Variants in RIN2 observed in about 807,000 individuals in gnomAD.
RIN2 encodes the protein RAB5 interacting protein 2.
In RIN2, 36 loss-of-function variants were observed where a neutral mutation model predicts 78.0. The observed-to-expected ratio is 0.46, with a 90% CI of 0.35 to 0.61. The LOEUF (loss-of-function observed/expected upper bound fraction) is 0.61, where lower values mean the gene tolerates loss of function less well. Among genes scored for constraint, RIN2 ranks in the 20% least tolerant of loss-of-function variants. The probability of loss-of-function intolerance (pLI) is 0.00; values close to 1 mark genes in which losing one functional copy is unlikely to be tolerated. For synonymous variants in RIN2, 466 were observed against 466.8 expected (o/e 1.00, Z 0.02); for missense variants, 1,087 against 1,159.7 (o/e 0.94, Z 0.91).
intron 2 of RIN2, among the ~76,000 whole-genome samples, chr20:19,869,750 A>G (rs1048488264): frequency 4.0e-5 from 6 of 151,270 alleles, no homozygotes; most frequent in Non-Finnish European, 4.4e-5. Context: ...TCAGCCTCCC[A>G]AGTAGCTGGG....
At chr20:19,908,846 C>T (rs2039338983) in intron 3 of RIN2, among the ~76,000 whole-genome samples, 2 of 152,160 alleles carry the variant, frequency 1.3e-5, no homozygotes, top group South Asian at 4.1e-4. Context: ...ACACGTGGAA[C>T]ACCACGCCTG....
At chr20:19,843,261 A>G (rs1195882561) in intron 2 of RIN2, among the ~76,000 whole-genome samples, 1 of 152,264 alleles carries the variant, frequency 6.6e-6, no homozygotes, top group Non-Finnish European at 1.5e-5. Context: ...GGATTTGAGA[A>G]GATTACTCCA....
In RIN2 at chr20:20,001,070, G is replaced by T; in HGVS notation, c.*134G>T. On this transcript the variant is annotated 3_prime_UTR_variant, in exon 13 of 13. Coordinates refer to ENST00000255006, the MANE Select transcript of RIN2 (RefSeq NM_018993.4). Reference sequence around the variant, plus strand: ...CAGTGTAGTGACTAAGCCATCCACAGGCCAACTCGGCCAAGGGCAACTTTA... The same window carrying T: ...CAGTGTAGTGACTAAGCCATCCACATGCCAACTCGGCCAAGGGCAACTTTA... 1 of 773,508 alleles carries T rather than the reference G, an allele frequency of 1.3e-6. No individual in the cohort carries two copies. Among genetic ancestry groups the T allele is most frequent in the Non-Finnish European group, 2.0e-6 (1 of 501,246 alleles). 47.9% of individuals were successfully genotyped at this position (773,508 alleles called of 1,614,324 possible). A position where few individuals can be genotyped will look rare whatever the true frequency, so the allele number is the denominator to read the frequency against.
intron 1 of RIN2, among the ~76,000 whole-genome samples, chr20:19,777,298 T>G (rs939464109): frequency 6.6e-6 from 1 of 152,258 alleles, no homozygotes; most frequent in Non-Finnish European, 1.5e-5. Context: ...AGGCCCCTTC[T>G]GCTTCATGCT....
intron 4 of RIN2, among the ~76,000 whole-genome samples, chr20:19,942,106 T>G (rs1225703465): frequency 1.4e-5 from 1 of 71,212 alleles, no homozygotes; most frequent in Non-Finnish European, 2.3e-5. Context: ...TGAGACTCTA[T>G]CTCAAAAAAA....
intron 6 of RIN2, among the ~76,000 whole-genome samples, chr20:19,961,739 A>G (rs1331505257): frequency 6.6e-6 from 1 of 152,120 alleles, no homozygotes; most frequent in Non-Finnish European, 1.5e-5. Context: ...TGCCAGGCTG[A>G]CTGTGAACCG....
chr20:19,894,689 A>C (rs2123547911), intron 3 of RIN2, among the ~76,000 whole-genome samples: 1 of 152,282 alleles, frequency 6.6e-6, no homozygotes, highest in South Asian at 2.1e-4. Flanking sequence ...ACTTTGTGTA[A>C]AGCAGAGATA....
chr20:19,936,589 CT>C (rs1382450492), intron 4 of RIN2, among the ~76,000 whole-genome samples: 1 of 152,188 alleles, frequency 6.6e-6, no homozygotes, highest in Non-Finnish European at 1.5e-5. Context: ...CGGCGGAAAC[CT>C]TTCCCCTGCA....
At chr20:19,932,903 A>G (rs1468038870) in intron 3 of RIN2, among the ~76,000 whole-genome samples, 1 of 152,198 alleles carries the variant, frequency 6.6e-6, no homozygotes, top group African/African-American at 2.4e-5. Context: ...CTCCCATCTC[A>G]GTCAAGGGCA....
rs147647645 is a variant in RIN2, at chr20:19,851,038, GAAGGAAGGAAGGAGAA to G, written c.-36-38526_-36-38511del. On this transcript the variant is annotated intron_variant, in intron 2 of 12. Coordinates refer to ENST00000255006, the MANE Select transcript of RIN2 (RefSeq NM_018993.4). The stretch of plus-strand genomic sequence containing the variant: ...GGAAGGAAGGAAGGAAGGAAGGAAG[GAAGGAAGGAAGGAGAA>G]AGAAAGGAAGGAAGGAAGGAAGGAA... Among the ~76,000 whole-genome samples, 369 of 88,298 alleles carry G rather than the reference GAAGGAAGGAAGGAGAA, an allele frequency of 4.2e-3. 1 individual carries two copies. Among genetic ancestry groups the G allele is most frequent in the Middle Eastern group, 9.5e-3 (2 of 210 alleles). The allele number at this position is 88,298 out of a possible 152,430, so 57.9% of individuals were successfully genotyped here. A position where few individuals can be genotyped will look rare whatever the true frequency, so the allele number is the denominator to read the frequency against.
At chr20:19,929,575 T>TA (rs1332628861) in intron 3 of RIN2, among the ~76,000 whole-genome samples, 1 of 152,108 alleles carries the variant, frequency 6.6e-6, no homozygotes, top group East Asian at 1.9e-4. Flanking sequence ...TTGGCGAGGC[T>TA]GGTTTCAAAC....
intron 2 of RIN2, among the ~76,000 whole-genome samples, chr20:19,856,006 G>A (rs556069036): frequency 5.9e-5 from 9 of 152,192 alleles, no homozygotes; most frequent in East Asian, 1.9e-4. Flanking sequence ...CCTGAGAGGC[G>A]GAGGTTGCAG....
At chr20:19,838,037 CAG>C (rs2036473558) in intron 2 of RIN2, among the ~76,000 whole-genome samples, 1 of 152,122 alleles carries the variant, frequency 6.6e-6, no homozygotes, top group African/African-American at 2.4e-5. Flanking sequence ...TCACAAAAAT[CAG>C]AGGGTTTTTT....
chr20:19,833,355 C>T (rs1026728323), intron 2 of RIN2, among the ~76,000 whole-genome samples: 11 of 151,942 alleles, frequency 7.2e-5, no homozygotes, highest in Admixed American at 5.2e-4. Flanking sequence ...CGTAGGTATA[C>T]GTGTGCCATG....
chr20:19,782,027 T>C (rs1049902792), intron 1 of RIN2, among the ~76,000 whole-genome samples: 1 of 152,190 alleles, frequency 6.6e-6, no homozygotes, highest in Non-Finnish European at 1.5e-5. Context: ...TCTGTTTTAT[T>C]GTTTGAGGTG....
intron 2 of RIN2, among the ~76,000 whole-genome samples, chr20:19,829,271 C>G (rs1453846284): frequency 1.3e-5 from 2 of 151,880 alleles, no homozygotes; most frequent in Non-Finnish European, 2.9e-5. Flanking sequence ...TATGGAAACC[C>G]AAAGTTGTAT....
chr20:19,844,601 CTCTTCTTCTTCTTCT>C (rs1181481041), intron 2 of RIN2, among the ~76,000 whole-genome samples: 5,755 of 122,798 alleles, frequency 0.047, 206 homozygotes, highest in Admixed American at 0.066. Context: ...CTGCTTCTTC[CTCTTCTTCTTCTTCT>C]TCTTCTTCTT....
chr20:19,829,954 A>G (rs2036203351), intron 2 of RIN2, among the ~76,000 whole-genome samples: 1 of 152,240 alleles, frequency 6.6e-6, no homozygotes, highest in African/African-American at 2.4e-5. Context: ...TAAATCACGT[A>G]GCCATATCCC....
chr20:19,803,398 A>C (rs891299008), intron 2 of RIN2, among the ~76,000 whole-genome samples: 18 of 152,256 alleles, frequency 1.2e-4, no homozygotes, highest in African/African-American at 4.1e-4. Flanking sequence ...ACAGACACAT[A>C]GACCAAAAGA....
Sources: gnomAD v4.1 joint callset for allele counts (sites outside exome capture counted in the v4.1 genomes callset) on GRCh38, gnomAD v4.1.1 for gene constraint, MANE v1.5 for transcripts, NCBI Gene and HGNC (gene_info 2026-07-23, HGNC 2026-07-21) for gene names.